The following ASPHD1 variants were observed in gnomAD, a reference collection of about 807,000 sequenced individuals.
The protein encoded by ASPHD1 is aspartate beta-hydroxylase domain containing 1.
ASPHD1 carries 20 observed loss-of-function variants against 28.3 expected under a neutral mutation model. That is an observed-to-expected ratio of 0.71 (90% CI 0.50 to 1.03). The LOEUF (loss-of-function observed/expected upper bound fraction) is 1.03, where lower values mean the gene tolerates loss of function less well. Among genes scored for constraint, ASPHD1 ranks in the 50% least tolerant of loss-of-function variants. ASPHD1 has a pLI of 0.00. For synonymous variants in ASPHD1, 240 were observed against 221.2 expected (o/e 1.08, Z -0.75); for missense variants, 479 against 524.1 (o/e 0.91, Z 0.84).
chr16:29,902,025 C>T, intron 1 of ASPHD1, 105 bp downstream of exon 1: 1 of 935,044 alleles, frequency 1.1e-6, no homozygotes, highest in Non-Finnish European at 1.5e-6. Flanking sequence ...TTGTGCCTCT[C>T]TTCTTCCATG....
In ASPHD1 at chr16:29,901,427, C is replaced by G; in HGVS notation, c.456C>G (p.Ala152=). 6.3e-7 allele frequency: 1 copy of G among 1,598,172 alleles called. No individual in the cohort carries two copies. Among genetic ancestry groups the G allele is most frequent in the Non-Finnish European group, 8.5e-7 (1 of 1,173,580 alleles). Residue 152 remains alanine (A), a synonymous_variant, in exon 1 of 3, where the codon GCC becomes GCG. Transcript: ENST00000308748. The surrounding 1 kb of genome is among the most constrained non-coding windows in gnomAD (Gnocchi z 5.1). ...TEGLVSRRLR[A]YARRYSWAGM... ...GCCTAGTGAGCCGGCGGCTTCGGGC[C>G]TACGCAAGGCGCTACTCCTGGGCTG...
At chr16:29,902,097 T>A (rs2068557654) in intron 1 of ASPHD1, among the ~76,000 whole-genome samples, 177 bp downstream of exon 1, 1 of 152,186 alleles carries the variant, frequency 6.6e-6, no homozygotes, top group South Asian at 2.1e-4. Flanking sequence ...ACCACCTTCA[T>A]AAGCTTTGCC....
At chr16:29,911,289 TC>T (rs1224224117) in intron 3 of ASPHD1, 2 of 800,258 alleles carry the variant, frequency 2.5e-6, no homozygotes. Flanking sequence ...GCTTTGGTGC[TC>T]AACAGAGAGC....
chr16:29,904,456 C>A (rs1326437543), intron 1 of ASPHD1, among the ~76,000 whole-genome samples: 5 of 149,292 alleles, frequency 3.3e-5, no homozygotes, highest in East Asian at 2.0e-4. Context: ...AAAAAAAAAA[C>A]AAAACAAAAA....
chr16:29,916,071 G>A (rs955138050), intron 3 of ASPHD1, among the ~76,000 whole-genome samples: 2 of 152,054 alleles, frequency 1.3e-5, no homozygotes, highest in African/African-American at 4.8e-5. Context: ...TAGACCATCC[G>A]TTCCTTAGGT....
At chr16:29,913,046 AT>A (rs2068744539) in intron 3 of ASPHD1, 1 of 151,780 alleles carries the variant, frequency 6.6e-6, no homozygotes, top group African/African-American at 2.4e-5. Flanking sequence ...CAAATTCCAG[AT>A]TTGTTTTTTG....
chr16:29,907,033 G>T, downstream of ASPHD1: 1 of 1,614,120 alleles, frequency 6.2e-7, no homozygotes, highest in Non-Finnish European at 8.5e-7. Flanking sequence ...AGGAGGGCTG[G>T]GTCTGGGCCC....
At position 29,905,956 on chromosome 16, in the gene ASPHD1, G is replaced by C; in HGVS notation, c.*59G>C. 14 of 1,056,314 alleles carry C rather than the reference G, an allele frequency of 1.3e-5. No homozygotes were observed. The highest frequency in any genetic ancestry group is 1.6e-5 in the Non-Finnish European group (12 of 747,246). The allele number at this position is 1,056,314 out of a possible 1,614,324, so 65.4% of individuals were successfully genotyped here. On this transcript the variant is annotated 3_prime_UTR_variant, in exon 3 of 3. Coordinates refer to ENST00000308748, the MANE Select transcript of ASPHD1 (RefSeq NM_181718.4). ...GAGACACTGCGCTCAGGGACGGCTT[G>C]ATGGTAGCCAGGACCTCCTCTCTAC...
At chr16:29,911,990 C>T in intron 3 of ASPHD1, 1 of 1,611,668 alleles carries the variant, frequency 6.2e-7, no homozygotes, top group African/African-American at 1.3e-5. Context: ...GCTGCTGCTC[C>T]TCCCGGGGAG....
chr16:29,906,931 G>A (rs1567438027), downstream of ASPHD1: 3 of 1,614,152 alleles, frequency 1.9e-6, no homozygotes, highest in Non-Finnish European at 2.5e-6. Flanking sequence ...ATATGGCGCC[G>A]GACATGGATC....
At chr16:29,918,293 A>G (rs1321784215) in intron 3 of ASPHD1, among the ~76,000 whole-genome samples, 1 of 152,256 alleles carries the variant, frequency 6.6e-6, no homozygotes, top group East Asian at 1.9e-4. Context: ...TAACAATGAT[A>G]GAGAAATCAA....
chr16:29,917,907 C>T (rs2150841310), intron 3 of ASPHD1, among the ~76,000 whole-genome samples: 1 of 152,178 alleles, frequency 6.6e-6, no homozygotes, highest in South Asian at 2.1e-4. Context: ...GAGATGACAC[C>T]ATTGAACTCT....
chr16:29,904,193 C>T (rs1267255782), intron 1 of ASPHD1, among the ~76,000 whole-genome samples: 35 of 152,010 alleles, frequency 2.3e-4, no homozygotes, highest in Admixed American at 2.2e-3. Context: ...CACCTGTAAT[C>T]CCAGCATTTT....
intron 3 of ASPHD1, among the ~76,000 whole-genome samples, chr16:29,912,863 TTGAA>T (rs1262401226): frequency 6.6e-6 from 1 of 152,256 alleles, no homozygotes; most frequent in East Asian, 1.9e-4. Context: ...TCTGTATTTG[TTGAA>T]TGAATGAACA....
At chr16:29,916,640 G>C (rs2068814244) in intron 3 of ASPHD1, among the ~76,000 whole-genome samples, 1 of 152,118 alleles carries the variant, frequency 6.6e-6, no homozygotes, top group African/African-American at 2.4e-5. Flanking sequence ...AAGGCTGGAG[G>C]ACTGCTTGAG....
chr16:29,900,911 G>A lies in ASPHD1; in HGVS notation c.-61G>A, dbSNP rs1282347404. The A allele has an allele frequency of 4.8e-6, 7 of 1,457,062 alleles. No homozygotes were observed. Among genetic ancestry groups the A allele is most frequent in the Non-Finnish European group, 6.6e-6 (7 of 1,066,622 alleles). The allele number at this position is 1,457,062 out of a possible 1,614,324, so 90.3% of individuals were successfully genotyped here. On this transcript the variant is annotated 5_prime_UTR_variant, in exon 1 of 3. Transcript: ENST00000308748. ...GTGAGGAGGCGACAGAGGGAGAGGA[G>A]GAAGAAGAGGTAGAAGGAGAGAGAA...
At chr16:29,907,195 A>G (rs1210191277), downstream of ASPHD1, 18 of 889,488 alleles carry the variant, frequency 2.0e-5, no homozygotes, top group Admixed American at 4.1e-4. Context: ...GCACCAACAC[A>G]CCTCCTAGCC....
In ASPHD1 at chr16:29,901,811, CT is replaced by C; in HGVS notation, c.843del (p.Phe281LeufsTer2). 1 of 1,561,552 alleles carries C rather than the reference CT, an allele frequency of 6.4e-7. No homozygotes were observed. Among genetic ancestry groups the C allele is most frequent in the Admixed American group, 2.0e-5 (1 of 50,342 alleles). On this transcript the variant is annotated frameshift_variant, in exon 1 of 3. Transcript: ENST00000308748. LOFTEE classifies it high-confidence loss of function. This position sits in a 1 kb window ranked among gnomAD's most constrained non-coding sequence, Gnocchi z 5.1. Reference sequence around the variant, plus strand: ...ATCGGGCACTGAGGGGGCTTCGAAGCTTTATGAGTGCCAACACCTTCGGCAA... The same window carrying C: ...ATCGGGCACTGAGGGGGCTTCGAAGCTTATGAGTGCCAACACCTTCGGCAA... ...AYRALRGLRS[F>X]MSANTFGNAG...
chr16:29,911,946 C>A, intron 3 of ASPHD1: 4 of 1,610,374 alleles, frequency 2.5e-6, no homozygotes, highest in Non-Finnish European at 3.4e-6. Flanking sequence ...CCCTGCAGGG[C>A]TTGGGGGCCT....
Sources: gnomAD v4.1 joint callset for allele counts (sites outside exome capture counted in the v4.1 genomes callset) on GRCh38, gnomAD v4.1.1 for gene constraint, Gnocchi (gnomAD v3.1) non-coding constraint, MANE v1.5 for transcripts, NCBI Gene and HGNC (gene_info 2026-07-23, HGNC 2026-07-21) for gene names.